The following CDH18 variants were observed in gnomAD, a reference collection of about 807,000 sequenced individuals.
CDH18 encodes the protein cadherin-18.
CDH18 carries 31 observed loss-of-function variants against 67.9 expected under a neutral mutation model. That is an observed-to-expected ratio of 0.46 (90% CI 0.34 to 0.62). CDH18 has a LOEUF of 0.62. Among genes scored for constraint, CDH18 ranks in the 20% least tolerant of loss-of-function variants. The pLI, the probability that CDH18 is intolerant of heterozygous loss-of-function variation, is 0.01. For missense variants in CDH18, 890 were observed against 975.5 expected (o/e 0.91, Z 1.17); for synonymous variants, 362 against 347.2 (o/e 1.04, Z -0.48).
chr5:20,382,782 G>A (rs1224870402), intron 1 of CDH18, among the ~76,000 whole-genome samples: 1 of 152,098 alleles, frequency 6.6e-6, no homozygotes, highest in Non-Finnish European at 1.5e-5. Context: ...TCCAACACCA[G>A]TTATGTGTGC....
chr5:20,051,947 C>A (rs1741458234), intron 2 of CDH18, among the ~76,000 whole-genome samples: 1 of 151,854 alleles, frequency 6.6e-6, no homozygotes, highest in Non-Finnish European at 1.5e-5. Flanking sequence ...GCATTTGGGC[C>A]CCCTCTTTCA....
intron 1 of CDH18, among the ~76,000 whole-genome samples, chr5:20,502,489 G>C (rs1238562297): frequency 1.3e-5 from 2 of 152,092 alleles, no homozygotes; most frequent in Non-Finnish European, 1.5e-5. Context: ...AGTTCTAATG[G>C]GTAGGTTAAT....
chr5:20,561,959 TG>T (rs1758242140), intron 1 of CDH18, among the ~76,000 whole-genome samples: 1 of 151,928 alleles, frequency 6.6e-6, no homozygotes, highest in Non-Finnish European at 1.5e-5. Flanking sequence ...TATGGTATTA[TG>T]CTAAGAGCTG....
intron 6 of CDH18, among the ~76,000 whole-genome samples, chr5:19,607,230 T>C (rs1748194082): frequency 6.6e-6 from 1 of 151,420 alleles, no homozygotes; most frequent in Admixed American, 6.6e-5. Context: ...ACACAGAAAT[T>C]CAAGGAGAAA....
At chr5:20,007,713 GT>G (rs1737032809) in intron 2 of CDH18, among the ~76,000 whole-genome samples, 1 of 144,684 alleles carries the variant, frequency 6.9e-6, no homozygotes, top group Non-Finnish European at 1.5e-5. Flanking sequence ...GTGTGTGTGT[GT>G]GTCATAAGTC....
At chr5:19,903,992 G>A (rs192564393) in intron 2 of CDH18, among the ~76,000 whole-genome samples, 163 of 152,024 alleles carry the variant, frequency 1.1e-3, no homozygotes, top group African/African-American at 3.8e-3. Flanking sequence ...TCAGACATCA[G>A]GCCAGGCGCA....
intron 1 of CDH18, among the ~76,000 whole-genome samples, chr5:20,431,073 G>C (rs977324836): frequency 6.6e-6 from 1 of 152,100 alleles, no homozygotes; most frequent in African/African-American, 2.4e-5. Context: ...ATTTTATAGT[G>C]AAATCTACCA....
intron 5 of CDH18, among the ~76,000 whole-genome samples, chr5:19,707,460 T>C (rs946856414): frequency 6.6e-6 from 1 of 152,188 alleles, no homozygotes; most frequent in Admixed American, 6.5e-5. Flanking sequence ...GGCCTGTAAC[T>C]TGGCTGGACC....
intron 3 of CDH18, among the ~76,000 whole-genome samples, chr5:19,763,511 G>A (rs1333290019): frequency 2.0e-5 from 3 of 152,140 alleles, no homozygotes; most frequent in African/African-American, 7.2e-5. Context: ...AAGTTTAAAA[G>A]TGATCAAGAA....
At chr5:20,552,771 T>TC (rs1332881429) in intron 1 of CDH18, among the ~76,000 whole-genome samples, 2 of 152,100 alleles carry the variant, frequency 1.3e-5, no homozygotes, top group Non-Finnish European at 2.9e-5. Context: ...TTTTTTTTTT[T>TC]CAAACAGAGT....
chr5:19,869,813 G>C (rs529755152), intron 2 of CDH18, among the ~76,000 whole-genome samples: 3 of 152,142 alleles, frequency 2.0e-5, no homozygotes, highest in Middle Eastern at 6.8e-3. Flanking sequence ...AGATAATTCT[G>C]TTATACTAAC....
intron 2 of CDH18, among the ~76,000 whole-genome samples, chr5:19,863,783 A>G (rs1345244157): frequency 2.0e-5 from 3 of 152,210 alleles, no homozygotes; most frequent in African/African-American, 7.2e-5. Context: ...CAACCCAGGC[A>G]AGAACAACAT....
intron 1 of CDH18, among the ~76,000 whole-genome samples, chr5:20,547,510 G>A (rs993165766): frequency 4.6e-5 from 7 of 150,706 alleles, no homozygotes; most frequent in African/African-American, 1.2e-4. Context: ...GCAATGAGTC[G>A]AGATCGCACC....
intron 4 of CDH18, among the ~76,000 whole-genome samples, chr5:19,734,394 GTTTTC>G (rs768096169): frequency 1.3e-5 from 2 of 151,998 alleles, no homozygotes; most frequent in East Asian, 1.9e-4. Context: ...GATAAGAACT[GTTTTC>G]TTTTATTTTG....
chr5:19,904,634 C>T (rs1260977821), intron 2 of CDH18, among the ~76,000 whole-genome samples: 1 of 152,162 alleles, frequency 6.6e-6, no homozygotes, highest in Non-Finnish European at 1.5e-5. Flanking sequence ...TAGCTAGATA[C>T]ATAAACTTGG....
At chr5:19,648,501 T>C (rs1755111184) in intron 5 of CDH18, among the ~76,000 whole-genome samples, 1 of 152,126 alleles carries the variant, frequency 6.6e-6, no homozygotes, top group Non-Finnish European at 1.5e-5. Flanking sequence ...TGCATATCAG[T>C]GATCAATTTT....
intron 5 of CDH18, among the ~76,000 whole-genome samples, chr5:19,685,651 G>A (rs557439393): frequency 2.4e-4 from 36 of 152,224 alleles, no homozygotes; most frequent in Non-Finnish European, 4.1e-4. Context: ...TGCCCTGGTT[G>A]GATCCAGTTT....
At chr5:19,921,574 A>G (rs1792486464) in intron 2 of CDH18, among the ~76,000 whole-genome samples, 2 of 151,988 alleles carry the variant, frequency 1.3e-5, no homozygotes, top group Admixed American at 1.3e-4. Flanking sequence ...ATGGAGAAAT[A>G]TCTGTAATTC....
chr5:20,295,436 G>A (rs1747411140), intron 1 of CDH18, among the ~76,000 whole-genome samples: 2 of 152,052 alleles, frequency 1.3e-5, no homozygotes. Flanking sequence ...AATTGCACAG[G>A]AATTCTAAGA....
Sources: gnomAD v4.1 joint callset for allele counts (sites outside exome capture counted in the v4.1 genomes callset) on GRCh38, gnomAD v4.1.1 for gene constraint, MANE v1.5 for transcripts, NCBI Gene and HGNC (gene_info 2026-07-23, HGNC 2026-07-21) for gene names.